Variants in FHIT observed in about 807,000 individuals in gnomAD.
FHIT encodes bis(5'-adenosyl)-triphosphatase.
In FHIT, 19 loss-of-function variants were observed where a neutral mutation model predicts 17.9. The ratio of observed to expected loss-of-function variants is 1.06; its 90% CI spans 0.74 to 1.56. The LOEUF (loss-of-function observed/expected upper bound fraction) is 1.56. Among genes scored for constraint, FHIT ranks in the 40% most tolerant of loss-of-function variants. The probability of loss-of-function intolerance (pLI) is 0.00; values close to 1 mark genes in which losing one functional copy is unlikely to be tolerated. For missense variants in FHIT, 248 were observed against 189.2 expected, an observed-to-expected ratio of 1.31 and a Z score of -1.82; for synonymous variants, 81 against 69.7, an observed-to-expected ratio of 1.16 and a Z score of -0.81.
intron 8 of FHIT, among the ~76,000 whole-genome samples, chr3:59,860,906 CT>C (rs1702375505): frequency 6.6e-6 from 1 of 152,132 alleles, no homozygotes; most frequent in Non-Finnish European, 1.5e-5. Context: ...GATCCCCCAG[CT>C]AGTAAATGGC....
chr3:59,979,984 G>A (rs1708582057), intron 7 of FHIT, among the ~76,000 whole-genome samples: 1 of 152,146 alleles, frequency 6.6e-6, no homozygotes, highest in African/African-American at 2.4e-5. Context: ...GACTTAATGT[G>A]TCTGACAGAT....
At chr3:59,870,305 G>C (rs1244399548) in intron 8 of FHIT, among the ~76,000 whole-genome samples, 2 of 152,150 alleles carry the variant, frequency 1.3e-5, no homozygotes, top group African/African-American at 4.8e-5. Flanking sequence ...TCACAGGTGA[G>C]GAAACTGAAG....
rs932315669 is a variant in FHIT at position 60,456,672 on chromosome 3, A to C, written c.103+80188T>G. Among the ~76,000 whole-genome samples the C allele has an allele frequency of 2.6e-5, 4 of 152,244 alleles. No individual in the cohort carries two copies. In the South Asian group the frequency reaches 8.3e-4, roughly 32 times the overall value. On this transcript the variant is annotated intron_variant, in intron 5 of 9. Transcript: ENST00000492590. ...GCAGCTATTTGGAGGCAGATTAGAG[A>C]GGCTTCTTTTTTACTGATATCAGCA...
chr3:60,307,927 C>T (rs1486674660), intron 5 of FHIT, among the ~76,000 whole-genome samples: 1 of 152,064 alleles, frequency 6.6e-6, no homozygotes, highest in East Asian at 1.9e-4. Flanking sequence ...CTGACAGTAG[C>T]CAACATTTAC....
At chr3:60,441,889 C>G (rs553040148) in intron 5 of FHIT, among the ~76,000 whole-genome samples, 4 of 142,524 alleles carry the variant, frequency 2.8e-5, no homozygotes, top group Non-Finnish European at 6.1e-5. Context: ...GACAAGGACT[C>G]GCTCTGTCAC....
At chr3:59,822,653 T>C (rs543020964) in intron 8 of FHIT, among the ~76,000 whole-genome samples, 8,327 of 152,224 alleles carry the variant, frequency 0.055, 733 homozygotes, top group African/African-American at 0.19. Flanking sequence ...GATTGTTTGT[T>C]TTTTTCTTGC....
intron 8 of FHIT, among the ~76,000 whole-genome samples, chr3:59,766,628 G>T (rs1291726657): frequency 1.3e-5 from 2 of 152,178 alleles, no homozygotes; most frequent in African/African-American, 4.8e-5. Flanking sequence ...CATGTCCGCA[G>T]TAGTAATATA....
intron 3 of FHIT, among the ~76,000 whole-genome samples, chr3:60,894,349 C>A (rs953379796): frequency 5.3e-5 from 8 of 152,304 alleles, no homozygotes; most frequent in African/African-American, 1.7e-4. Context: ...AGAGTCACCC[C>A]GTCCTTTCCA....
intron 3 of FHIT, among the ~76,000 whole-genome samples, chr3:60,859,454 C>G (rs2734345): frequency 0.055 from 8,401 of 152,100 alleles, 282 homozygotes; most frequent in South Asian, 0.11. Context: ...ACAGGTAGAC[C>G]GCATTTCCAA....
At chr3:60,986,919 T>C (rs1710743847) in intron 3 of FHIT, among the ~76,000 whole-genome samples, 1 of 152,246 alleles carries the variant, frequency 6.6e-6, no homozygotes, top group Admixed American at 6.5e-5. Context: ...ACATACACTT[T>C]ATAAGTCTAC....
chr3:60,278,413 A>G (rs1202948497), intron 5 of FHIT, among the ~76,000 whole-genome samples: 1 of 152,214 alleles, frequency 6.6e-6, no homozygotes, highest in African/African-American at 2.4e-5. Context: ...TCAGGGGACG[A>G]AAAAAGGGCT....
At chr3:60,004,105 A>G (rs937990854) in intron 7 of FHIT, among the ~76,000 whole-genome samples, 2 of 152,132 alleles carry the variant, frequency 1.3e-5, no homozygotes, top group Non-Finnish European at 2.9e-5. Context: ...TACTACATCA[A>G]CAAAGGTAAG....
At chr3:59,767,619 G>C (rs759827225) in intron 8 of FHIT, among the ~76,000 whole-genome samples, 2 of 152,146 alleles carry the variant, frequency 1.3e-5, no homozygotes, top group African/African-American at 2.4e-5. Context: ...ATTAAGGATG[G>C]AATAATTATG....
intron 8 of FHIT, among the ~76,000 whole-genome samples, chr3:59,854,547 C>T (rs74656315): frequency 0.013 from 1,951 of 152,248 alleles, 27 homozygotes; most frequent in Non-Finnish European, 0.021. Context: ...TCTCATTTCC[C>T]TCTCTCTCAC....
At chr3:59,959,724 G>C (rs1707575254) in intron 7 of FHIT, among the ~76,000 whole-genome samples, 1 of 152,306 alleles carries the variant, frequency 6.6e-6, no homozygotes. Context: ...TCTAATGAAA[G>C]CACAAACATC....
At chr3:60,418,069 C>G (rs1475065025) in intron 5 of FHIT, among the ~76,000 whole-genome samples, 2 of 151,942 alleles carry the variant, frequency 1.3e-5, no homozygotes, top group Non-Finnish European at 2.9e-5. Flanking sequence ...ATAAATGGGC[C>G]TCTTGTTGCA....
chr3:59,913,818 A>C (rs927264413), intron 8 of FHIT, among the ~76,000 whole-genome samples: 1 of 152,190 alleles, frequency 6.6e-6, no homozygotes, highest in African/African-American at 2.4e-5. Flanking sequence ...AACATTAAAC[A>C]GTTTGCAATA....
chr3:59,794,268 T>A (rs1699688948), intron 8 of FHIT, among the ~76,000 whole-genome samples: 1 of 152,194 alleles, frequency 6.6e-6, no homozygotes, highest in Non-Finnish European at 1.5e-5. Flanking sequence ...ACTGAAGCTT[T>A]CCATTATAGC....
At chr3:60,384,809 C>A (rs1214970431) in intron 5 of FHIT, among the ~76,000 whole-genome samples, 5 of 141,760 alleles carry the variant, frequency 3.5e-5, no homozygotes, top group African/African-American at 1.1e-4. Flanking sequence ...GAGAGATGAA[C>A]AGAGCTAGGA....
Sources: allele counts gnomAD v4.1 joint callset (sites outside exome capture counted in the v4.1 genomes callset), GRCh38; gene constraint gnomAD v4.1.1; transcripts MANE v1.5; gene names NCBI Gene and HGNC (gene_info 2026-07-23, HGNC 2026-07-21).